CACNA2D1: variants seen among roughly 807,000 people sequenced by gnomAD.
CACNA2D1 encodes voltage-dependent calcium channel subunit alpha-2/delta-1.
Under a neutral mutation model 171.5 loss-of-function variants are expected in CACNA2D1, and 53 were observed. That is an observed-to-expected ratio of 0.31 (90% CI 0.25 to 0.39). The LOEUF is 0.39. Among genes scored for constraint, CACNA2D1 ranks in the 10% least tolerant of loss-of-function variants. CACNA2D1 has a pLI of 1.00. For missense variants in CACNA2D1, 903 were observed against 1,299.8 expected (o/e 0.69, Z 4.69); for synonymous variants, 442 against 443.1 (o/e 1.00, Z 0.03).
intron 1 of CACNA2D1, among the ~76,000 whole-genome samples, chr7:82,361,142 A>G (rs1159664674): frequency 2.0e-5 from 3 of 152,190 alleles, no homozygotes; most frequent in Non-Finnish European, 4.4e-5. Context: ...AGCAGCATAT[A>G]CATTGCCCTT....
At chr7:82,126,685 G>A (rs1790366839) in intron 5 of CACNA2D1, among the ~76,000 whole-genome samples, 1 of 152,114 alleles carries the variant, frequency 6.6e-6, no homozygotes, top group South Asian at 2.1e-4. Context: ...CAACCATCAG[G>A]CCTCCAAGGA....
rs922016952 is a variant in CACNA2D1 at position 81,948,024 on chromosome 7, A to G, written c.*2368T>C. 6.6e-6 allele frequency: 1 copy of G among 151,914 alleles called. No individual in the cohort carries two copies. Among genetic ancestry groups the G allele is most frequent in the African/African-American group, 2.4e-5 (1 of 41,432 alleles). 9.4% of individuals were successfully genotyped at this position (151,914 alleles called of 1,614,324 possible). On this transcript the variant is annotated 3_prime_UTR_variant, in exon 39 of 39. Coordinates refer to ENST00000356860, the MANE Select transcript of CACNA2D1 (RefSeq NM_000722.4). ...GCCAAGTTTAACCGCGATTAATACAATAACAATGTAATTGATGAAAACATA... is the reference window on the plus strand; with the variant it reads ...GCCAAGTTTAACCGCGATTAATACAGTAACAATGTAATTGATGAAAACATA...
chr7:82,066,784 C>T (rs544376752), intron 7 of CACNA2D1, among the ~76,000 whole-genome samples: 9 of 152,066 alleles, frequency 5.9e-5, no homozygotes, highest in East Asian at 3.9e-4. Context: ...ACAGTTTTTC[C>T]GGGTGCTAAC....
At chr7:82,096,283 CTG>C (rs1177302519) in intron 6 of CACNA2D1, among the ~76,000 whole-genome samples, 1 of 152,104 alleles carries the variant, frequency 6.6e-6, no homozygotes, top group Non-Finnish European at 1.5e-5. Flanking sequence ...TCCCATAAAA[CTG>C]TATTTATAAA....
At chr7:82,411,174 G>A (rs1426782245) in intron 1 of CACNA2D1, among the ~76,000 whole-genome samples, 1 of 152,088 alleles carries the variant, frequency 6.6e-6, no homozygotes, top group Admixed American at 6.6e-5. Flanking sequence ...TCCAAGTAAG[G>A]CCATATTTAT....
At chr7:82,399,384 G>A (rs895772370) in intron 1 of CACNA2D1, among the ~76,000 whole-genome samples, 14 of 151,370 alleles carry the variant, frequency 9.2e-5, no homozygotes, top group African/African-American at 3.4e-4. Flanking sequence ...AGGCTGCAGT[G>A]AGCCGAGATC....
At chr7:82,319,032 G>T (rs891449414) in intron 3 of CACNA2D1, among the ~76,000 whole-genome samples, 3 of 152,112 alleles carry the variant, frequency 2.0e-5, no homozygotes, top group African/African-American at 7.2e-5. Context: ...GAATTAAATG[G>T]ATCTGGATAC....
At chr7:82,424,961 G>A (rs1451189087) in intron 1 of CACNA2D1, among the ~76,000 whole-genome samples, 2 of 152,190 alleles carry the variant, frequency 1.3e-5, no homozygotes, top group South Asian at 4.1e-4. Context: ...GTGGTAGGCA[G>A]GATTCTGAGA....
chr7:81,985,225 A>G (rs1160930730), intron 21 of CACNA2D1, among the ~76,000 whole-genome samples: 1 of 135,736 alleles, frequency 7.4e-6, no homozygotes, highest in Non-Finnish European at 1.5e-5. Flanking sequence ...TTTGGAGACA[A>G]GGTCTCACTC....
At chr7:82,058,021 T>A (rs1311670143) in intron 10 of CACNA2D1, among the ~76,000 whole-genome samples, 2 of 152,132 alleles carry the variant, frequency 1.3e-5, no homozygotes, top group Non-Finnish European at 2.9e-5. Context: ...CACCTACAAC[T>A]TTTTGTTTCA....
intron 21 of CACNA2D1, among the ~76,000 whole-genome samples, chr7:81,985,116 C>T (rs148756725): frequency 1.5e-3 from 226 of 150,404 alleles, no homozygotes; most frequent in African/African-American, 5.3e-3. Flanking sequence ...ACTTCCTTAA[C>T]GTATTATATA....
chr7:81,966,674 A>T (rs905041276), intron 31 of CACNA2D1, among the ~76,000 whole-genome samples: 9 of 151,450 alleles, frequency 5.9e-5, no homozygotes, highest in Non-Finnish European at 8.9e-5. Context: ...AGTGAAAGTA[A>T]TACAAGACAC....
intron 8 of CACNA2D1, 33 bp from the exon 9 acceptor site, chr7:82,064,387 T>C: frequency 6.7e-7 from 1 of 1,490,768 alleles, no homozygotes; most frequent in Non-Finnish European, 9.3e-7. Context: ...TGCTTTTCTC[T>C]TCCAAAATAT....
At chr7:82,115,558 G>A (rs903900450) in intron 6 of CACNA2D1, among the ~76,000 whole-genome samples, 1 of 151,514 alleles carries the variant, frequency 6.6e-6, no homozygotes, top group Non-Finnish European at 1.5e-5. Context: ...CACATACAAC[G>A]TTTCTATTAT....
At position 82,004,420 on chromosome 7, in the gene CACNA2D1, CATT is replaced by C. The variant is rs556194658; in HGVS notation, c.1590+1000_1590+1002del. Among the ~76,000 whole-genome samples the C allele has an allele frequency of 7.6e-4, 115 of 151,376 alleles. 3 individuals carry two copies. Among genetic ancestry groups the C allele is most frequent in the African/African-American group, 2.6e-3 (106 of 41,388 alleles). The stretch of plus-strand genomic sequence containing the variant: ...CCAAAGTCAGATAAACTAAAATAGA[CATT>C]AGTTATAAAATGTAATATTATTTAA... On this transcript the variant is annotated intron_variant, in intron 18 of 38. Transcript: ENST00000356860.
intron 3 of CACNA2D1, among the ~76,000 whole-genome samples, chr7:82,306,062 T>G (rs1813690979): frequency 6.6e-6 from 1 of 152,230 alleles, no homozygotes; most frequent in Non-Finnish European, 1.5e-5. Context: ...TGGTATATAT[T>G]TTGGAATATT....
intron 1 of CACNA2D1, among the ~76,000 whole-genome samples, chr7:82,417,083 G>A (rs903955649): frequency 6.6e-6 from 1 of 152,122 alleles, no homozygotes; most frequent in East Asian, 1.9e-4. Context: ...TATATGTATA[G>A]AAGTTGATAA....
chr7:82,082,093 G>A (rs1211044587), intron 7 of CACNA2D1, among the ~76,000 whole-genome samples: 1 of 152,168 alleles, frequency 6.6e-6, no homozygotes, highest in African/African-American at 2.4e-5. Flanking sequence ...CAGCCTAATG[G>A]ATGGTGGCAG....
At chr7:82,251,603 GA>G (rs1171851635) in intron 3 of CACNA2D1, among the ~76,000 whole-genome samples, 1 of 152,152 alleles carries the variant, frequency 6.6e-6, no homozygotes, top group Non-Finnish European at 1.5e-5. Flanking sequence ...ATATGGGTGT[GA>G]AAGGATTAAG....
Sources: allele counts gnomAD v4.1 joint callset (sites outside exome capture counted in the v4.1 genomes callset), GRCh38; gene constraint gnomAD v4.1.1; transcripts MANE v1.5; gene names NCBI Gene and HGNC (gene_info 2026-07-23, HGNC 2026-07-21).